The following EP400 variants were observed in gnomAD, a reference collection of about 807,000 sequenced individuals.
EP400 encodes E1A binding protein p400.
Under a neutral mutation model 354.1 loss-of-function variants are expected in EP400, and 105 were observed. The observed-to-expected ratio is 0.30, with a 90% CI of 0.25 to 0.35. EP400 has a LOEUF of 0.35. Among genes scored for constraint, EP400 ranks in the 10% least tolerant of loss-of-function variants. The pLI is 1.00. For missense variants in EP400, 3,280 were observed against 4,121.0 expected, an observed-to-expected ratio of 0.80 and a Z score of 5.59; for synonymous variants, 1,646 against 1,716.9, an observed-to-expected ratio of 0.96 and a Z score of 1.02.
intron 3 of EP400, among the ~76,000 whole-genome samples, chr12:131,980,838 C>T (rs1892657164): frequency 6.6e-6 from 1 of 152,144 alleles, no homozygotes; most frequent in Non-Finnish European, 1.5e-5. Flanking sequence ...AAGCGTGAGC[C>T]ACCGCGCCCA....
intron 10 of EP400, 58 bp from the exon 11 acceptor site, chr12:131,992,115 G>A (rs1893059565): frequency 3.8e-6 from 6 of 1,576,498 alleles, no homozygotes; most frequent in Non-Finnish European, 5.2e-6. Context: ...TGCTGTCTTG[G>A]TTTCCCATTC....
intron 51 of EP400, among the ~76,000 whole-genome samples, chr12:132,073,459 C>T (rs373112569): frequency 1.7e-5 from 2 of 117,728 alleles, no homozygotes; most frequent in African/African-American, 4.4e-5. Context: ...GTCCCTTTTC[C>T]TTTTTTTTTT....
At position 132,011,604 on chromosome 12, in the gene EP400, C is replaced by T; in HGVS notation, c.3411C>T (p.Gly1137=). Residue 1137 remains glycine, a synonymous_variant, in exon 16 of 53, where the codon GGC becomes GGT. Transcript: ENST00000389561. ...CPGLKILSYI[G]SHRELKAKRQ... The stretch of plus-strand genomic sequence containing the variant: ...GACTCAAAATCCTCTCATATATTGG[C>T]AGCCACAGAGAACTCAAAGCAAAGA... 3.1e-6 allele frequency: 5 copies of T among 1,612,560 alleles called. No individual in the cohort carries two copies. The highest frequency in any genetic ancestry group is 4.2e-6 in the Non-Finnish European group (5 of 1,179,292).
At chr12:132,028,543 A>T (rs1210885424) in intron 27 of EP400, among the ~76,000 whole-genome samples, 8 of 152,204 alleles carry the variant, frequency 5.3e-5, no homozygotes, top group African/African-American at 1.7e-4. Flanking sequence ...CACTGAGCTC[A>T]CACTGTGCTT....
In EP400 at chr12:132,050,275, C is replaced by G; in HGVS notation, c.7201-48C>G. 1 of 1,605,042 alleles carries G rather than the reference C, an allele frequency of 6.2e-7. No homozygotes were observed. Among genetic ancestry groups the G allele is most frequent in the Non-Finnish European group, 8.5e-7 (1 of 1,173,702 alleles). On this transcript the variant is annotated intron_variant, in intron 39 of 52. Coordinates refer to ENST00000389561, the MANE Select transcript of EP400 (RefSeq NM_015409.5). The surrounding 1 kb of genome is among the most constrained non-coding windows in gnomAD (Gnocchi z 4.8). Reference sequence around the variant, plus strand: ...TGAGCCCTGTGTCCCACGCAGCCGTCTGTCCATGCTGCCTAATTCAGATGC... The same window carrying G: ...TGAGCCCTGTGTCCCACGCAGCCGTGTGTCCATGCTGCCTAATTCAGATGC...
rs546705966 is a variant in EP400 at position 132,050,705 on chromosome 12, C to G, written c.7394+50C>G. ...TGTTACTGTTTGGAAGGATTTCATT[C>G]CAGTGTCATCTAAGTTCAGTGAGTT... On this transcript the variant is annotated intron_variant, in intron 41 of 52. Transcript: ENST00000389561. This position sits in a 1 kb window ranked among gnomAD's most constrained non-coding sequence, Gnocchi z 4.8. 3.5e-5 allele frequency: 57 copies of G among 1,606,524 alleles called. No homozygotes were observed. The East Asian group carries it at 6.2e-4, about 18-fold the overall frequency.
At position 132,030,796 on chromosome 12, in the gene EP400, C is replaced by T. The variant is rs1044902728; in HGVS notation, c.5754+638C>T. Among the ~76,000 whole-genome samples, 19 of 152,194 alleles carry T rather than the reference C, an allele frequency of 1.2e-4. 1 individual carries two copies. The highest frequency in any genetic ancestry group is 3.2e-3 in the Middle Eastern group (1 of 316). On this transcript the variant is annotated intron_variant, in intron 29 of 52. Coordinates refer to ENST00000389561, the MANE Select transcript of EP400 (RefSeq NM_015409.5). ...TCAGTGTTCAGCAGAAGAGTGAGTG[C>T]ATAAGGGGTTGTCCATGGGCCCCGT...
At chr12:131,972,787 A>G (rs895645900) in intron 2 of EP400, among the ~76,000 whole-genome samples, 4 of 129,112 alleles carry the variant, frequency 3.1e-5, no homozygotes, top group African/African-American at 9.4e-5. Context: ...GCTGGAGTGC[A>G]GTGGCGCGAT....
rs199974937 is a variant in EP400, at chr12:131,961,935, C to G, written c.1316C>G (p.Ser439Cys). 13 of 1,611,874 alleles carry G rather than the reference C, an allele frequency of 8.1e-6. No homozygotes were observed. The East Asian group carries it at 2.9e-4, about 36-fold the overall frequency. ...GAGGAGGAAGAGGAGGAAGAAAAATCTGAGGTTATCAATGACGAGGTAAGA... is the reference window on the plus strand; with the variant it reads ...GAGGAGGAAGAGGAGGAAGAAAAATGTGAGGTTATCAATGACGAGGTAAGA... ...EEEEEEEEEK[S>C]EVINDEQQAL... The change falls in exon 2 of 53, where the codon TCT (serine) becomes TGT (cysteine). Residue 439 changes from serine (S) to cysteine (C), a missense_variant. Ser to Cys is a moderately radical substitution (Grantham distance 112, BLOSUM62 -1). Around this residue, in one of 20 missense-constraint regions of EP400, gnomAD observed 800 missense variants for 840.0 expected, o/e 0.95. Transcript: ENST00000389561.
rs1462023320 is a variant in EP400, at chr12:132,055,037, A to T, written c.7774+18A>T. The stretch of plus-strand genomic sequence containing the variant: ...GCCCACTGGTAAGACAAATACAGAG[A>T]TGCTGAAATGTGGACCCCATTTCTC... On this transcript the variant is annotated intron_variant, in intron 44 of 52. Coordinates refer to ENST00000389561, the MANE Select transcript of EP400 (RefSeq NM_015409.5). 1.2e-6 allele frequency: 2 copies of T among 1,613,944 alleles called. No individual in the cohort carries two copies. The highest frequency in any genetic ancestry group is 2.2e-5 in the East Asian group (1 of 44,882).
intron 19 of EP400, among the ~76,000 whole-genome samples, chr12:132,014,287 TG>T (rs1472391983): frequency 1.3e-5 from 2 of 152,234 alleles, no homozygotes; most frequent in Admixed American, 6.5e-5. Context: ...CCCCAGGACT[TG>T]GGTCGGCTGT....
chr12:132,014,748 C>G (rs1470550349), intron 19 of EP400, among the ~76,000 whole-genome samples: 1 of 152,212 alleles, frequency 6.6e-6, no homozygotes, highest in Non-Finnish European at 1.5e-5. Context: ...CCACTCTTCC[C>G]CCAGCCACGT....
In EP400 at chr12:132,077,877, C is replaced by G. The variant is rs1367914225; in HGVS notation, c.*204C>G. The G allele has an allele frequency of 2.5e-5, 17 of 684,636 alleles. No homozygotes were observed. Among genetic ancestry groups the G allele is most frequent in the Non-Finnish European group, 4.0e-5 (17 of 427,880 alleles). The allele number at this position is 684,636 out of a possible 1,614,324, so 42.4% of individuals were successfully genotyped here. A position where few individuals can be genotyped will look rare whatever the true frequency, so the allele number is the denominator to read the frequency against. On this transcript the variant is annotated 3_prime_UTR_variant, in exon 53 of 53. Coordinates refer to ENST00000389561, the MANE Select transcript of EP400 (RefSeq NM_015409.5). ...CTTATGGAGTGCCGCGTTCTCTGTA[C>G]TACGTGGCTCATGGAAAAAGTGACA... is the stretch of plus-strand genomic sequence containing the variant.
At chr12:132,005,288 T>TA (rs1352308573) in intron 13 of EP400, 104 bp downstream of exon 13, 1 of 761,014 alleles carries the variant, frequency 1.3e-6, no homozygotes, top group Non-Finnish European at 2.0e-6. Flanking sequence ...TTTGATAAAA[T>TA]AAAAAATTAG....
At position 132,028,007 on chromosome 12, in the gene EP400, T is replaced by C; in HGVS notation, c.5110-10T>C. 3 of 1,607,424 alleles carry C rather than the reference T, an allele frequency of 1.9e-6. No individual in the cohort carries two copies. Among genetic ancestry groups the C allele is most frequent in the African/African-American group, 1.3e-5 (1 of 74,830 alleles). On this transcript the variant is annotated splice_polypyrimidine_tract_variant and intron_variant, in intron 26 of 52. Transcript: ENST00000389561. The stretch of plus-strand genomic sequence containing the variant: ...CTCAAGTAACTGTTTTTCATCACTT[T>C]TTGATAAAGGAGGAAAAGACCAGAC...
intron 3 of EP400, among the ~76,000 whole-genome samples, 176 bp downstream of exon 3, chr12:131,979,969 G>A (rs1456297448): frequency 2.0e-5 from 3 of 152,214 alleles, no homozygotes; most frequent in African/African-American, 7.2e-5. Flanking sequence ...ATTTTTCTGT[G>A]TCCTGAAGTG....
intron 1 of EP400, among the ~76,000 whole-genome samples, chr12:131,952,251 G>A (rs1402594370): frequency 1.4e-5 from 2 of 147,554 alleles, no homozygotes; most frequent in East Asian, 2.1e-4. Flanking sequence ...TGCAGTGAGC[G>A]GAGATTGCGC....
chr12:131,956,361 A>T (rs1891699354), intron 1 of EP400, among the ~76,000 whole-genome samples: 2 of 152,140 alleles, frequency 1.3e-5, no homozygotes, highest in Non-Finnish European at 1.5e-5. Flanking sequence ...TGTGTTATGC[A>T]ATTGGTAACC....
chr12:131,992,108 T>A, intron 10 of EP400, 65 bp from the exon 11 acceptor site: 1 of 1,552,082 alleles, frequency 6.4e-7, no homozygotes, highest in Non-Finnish European at 8.8e-7. Flanking sequence ...TGGACACTGC[T>A]GTCTTGGTTT....
Sources: gnomAD v4.1 joint callset for allele counts (sites outside exome capture counted in the v4.1 genomes callset) on GRCh38, gnomAD v4.1.1 for gene constraint, gnomAD v4.1.1 regional missense constraint, Gnocchi (gnomAD v3.1) non-coding constraint, MANE v1.5 for transcripts, NCBI Gene and HGNC (gene_info 2026-07-23, HGNC 2026-07-21) for gene names.